ZNF385D: variants seen among roughly 807,000 people sequenced by gnomAD.
The protein encoded by ZNF385D is zinc finger protein 659.
In ZNF385D, 15 loss-of-function variants were observed where a neutral mutation model predicts 35.8. That is an observed-to-expected ratio of 0.42 (90% CI 0.28 to 0.64). The LOEUF is 0.64. ZNF385D is among the 30% of genes least tolerant of loss of function. The pLI is 0.23. For synonymous variants in ZNF385D, 212 were observed against 186.8 expected (o/e 1.13, Z -1.10); for missense variants, 474 against 494.6 (o/e 0.96, Z 0.39).
At chr3:22,316,846 A>T (rs1703915065) in intron 2 of ZNF385D, among the ~76,000 whole-genome samples, 1 of 152,166 alleles carries the variant, frequency 6.6e-6, no homozygotes, top group African/African-American at 2.4e-5. Context: ...TGGCATTTTG[A>T]CATGCTGAGA....
intron 3 of ZNF385D, among the ~76,000 whole-genome samples, chr3:22,126,043 A>G (rs114011852): frequency 0.018 from 2,739 of 152,146 alleles, 73 homozygotes; most frequent in African/African-American, 0.062. Context: ...GATAGTCTCT[A>G]TGAGTATGTA....
intron 3 of ZNF385D, among the ~76,000 whole-genome samples, chr3:21,805,284 G>C (rs890411286): frequency 1.3e-5 from 2 of 152,178 alleles, no homozygotes. Context: ...TGTGTAAATA[G>C]TGTGTAGATT....
chr3:21,923,070 C>T (rs1700552514), intron 3 of ZNF385D, among the ~76,000 whole-genome samples: 1 of 152,048 alleles, frequency 6.6e-6, no homozygotes. Flanking sequence ...TTTTAGGGTA[C>T]ATGTGCACAA....
chr3:22,338,698 A>AT (rs562729331), intron 2 of ZNF385D, among the ~76,000 whole-genome samples: 17,796 of 125,332 alleles, frequency 0.14, 1,573 homozygotes, highest in East Asian at 0.18. Flanking sequence ...TATTCATCTC[A>AT]TTTTTTTTTT....
intron 3 of ZNF385D, among the ~76,000 whole-genome samples, chr3:21,777,245 T>C (rs1444421421): frequency 6.6e-6 from 1 of 152,002 alleles, no homozygotes; most frequent in Non-Finnish European, 1.5e-5. Flanking sequence ...CAAACCATTT[T>C]TTGATCTTTG....
intron 3 of ZNF385D, among the ~76,000 whole-genome samples, chr3:21,826,320 C>A (rs1401003729): frequency 2.0e-5 from 3 of 152,124 alleles, no homozygotes; most frequent in Non-Finnish European, 2.9e-5. Context: ...GTGAATTATC[C>A]GATAACTTGG....
intron 2 of ZNF385D, among the ~76,000 whole-genome samples, chr3:21,616,774 C>T (rs534882246): frequency 2.6e-5 from 4 of 152,258 alleles, no homozygotes; most frequent in Admixed American, 1.3e-4. Context: ...CAAAATACTT[C>T]TCATGATTTT....
intron 2 of ZNF385D, among the ~76,000 whole-genome samples, chr3:21,641,457 G>T (rs1041009170): frequency 1.3e-5 from 2 of 151,752 alleles, no homozygotes; most frequent in African/African-American, 4.8e-5. Context: ...TCATCACTGG[G>T]AATTTCAAAG....
intron 2 of ZNF385D, among the ~76,000 whole-genome samples, chr3:22,319,146 T>C (rs1204839058): frequency 6.6e-6 from 1 of 152,076 alleles, no homozygotes; most frequent in African/African-American, 2.4e-5. Context: ...AGACAATAGA[T>C]GATAGATTTT....
intron 3 of ZNF385D, among the ~76,000 whole-genome samples, chr3:21,844,077 G>A (rs1695847416): frequency 6.6e-6 from 1 of 151,960 alleles, no homozygotes; most frequent in Non-Finnish European, 1.5e-5. Context: ...ATCTGGCAGA[G>A]ATGGGAGATT....
intron 3 of ZNF385D, among the ~76,000 whole-genome samples, chr3:22,031,732 A>C (rs1314876320): frequency 6.6e-6 from 1 of 152,176 alleles, no homozygotes; most frequent in South Asian, 2.1e-4. Context: ...ACTTATGCAA[A>C]TATCTGCAGC....
At chr3:21,926,127 T>A (rs953688315) in intron 3 of ZNF385D, among the ~76,000 whole-genome samples, 1 of 146,840 alleles carries the variant, frequency 6.8e-6, no homozygotes, top group African/African-American at 2.4e-5. Flanking sequence ...GTTTGGATAT[T>A]TGCCCTCTCC....
chr3:22,154,288 T>C (rs539545286), intron 3 of ZNF385D, among the ~76,000 whole-genome samples: 155 of 152,302 alleles, frequency 1.0e-3, no homozygotes, highest in African/African-American at 3.6e-3. Flanking sequence ...TCATCCTGTA[T>C]TGATTCATGT....
chr3:21,831,888 T>C (rs1197271581), intron 3 of ZNF385D, among the ~76,000 whole-genome samples: 3 of 152,152 alleles, frequency 2.0e-5, no homozygotes, highest in Non-Finnish European at 4.4e-5. Flanking sequence ...AGTTTGAAAA[T>C]ATTAAAAGAA....
At position 21,790,099 on chromosome 3, in the gene ZNF385D, A is replaced by G. The variant is rs146213952; in HGVS notation, c.326-125071T>C. On this transcript the variant is annotated intron_variant, in intron 3 of 5. Coordinates refer to the ZNF385D transcript ENST00000494108. ...ACAAGACACAAACACACACATAACT[A>G]TCTATGCTCATGGATAAAAAGACTT... Among the ~76,000 whole-genome samples the G allele has an allele frequency of 6.0e-4, 91 of 152,264 alleles. 1 individual carries two copies. The highest frequency in any genetic ancestry group is 9.3e-4 in the Non-Finnish European group (63 of 68,004).
At chr3:21,425,450 T>C in intron 6 of ZNF385D, 42 bp downstream of exon 6, 2 of 1,530,060 alleles carry the variant, frequency 1.3e-6, no homozygotes. Context: ...CTTATAAGGC[T>C]GTCCCTTGTT....
At position 22,159,486 on chromosome 3, in the gene ZNF385D, G is replaced by T. The variant is rs188565350; in HGVS notation, c.325+9331C>A. Among the ~76,000 whole-genome samples, 474 of 152,096 alleles carry T rather than the reference G, an allele frequency of 3.1e-3. 1 individual carries two copies. Among genetic ancestry groups the T allele is most frequent in the Non-Finnish European group, 4.5e-3 (304 of 67,970 alleles). On this transcript the variant is annotated intron_variant, in intron 3 of 5. Transcript: ENST00000494108. ...GCTCAGGTTGTAAAACCTCATCATT[G>T]TCCTAGTACACAGGGTTTCTCAGGG...
chr3:22,190,893 A>C (rs1239798433), intron 2 of ZNF385D, among the ~76,000 whole-genome samples: 1 of 152,134 alleles, frequency 6.6e-6, no homozygotes, highest in Non-Finnish European at 1.5e-5. Context: ...AGTAACTATA[A>C]AGGATACTCT....
chr3:22,268,550 T>C (rs1197233682), intron 2 of ZNF385D, among the ~76,000 whole-genome samples: 1 of 151,992 alleles, frequency 6.6e-6, no homozygotes, highest in East Asian at 1.9e-4. Context: ...CCAAAAGCAG[T>C]AAGGGGCAAT....
Sources: gnomAD v4.1 joint callset for allele counts (sites outside exome capture counted in the v4.1 genomes callset) on GRCh38, gnomAD v4.1.1 for gene constraint, MANE v1.5 for transcripts, NCBI Gene and HGNC (gene_info 2026-07-23, HGNC 2026-07-21) for gene names.